The following EPB41L1 variants were observed in gnomAD, a reference collection of about 807,000 sequenced individuals.
EPB41L1 encodes the protein erythrocyte membrane protein band 4.1 like 1.
In EPB41L1, 29 loss-of-function variants were observed where a neutral mutation model predicts 97.8. That is an observed-to-expected ratio of 0.30 (90% confidence interval 0.22 to 0.40). EPB41L1 has a LOEUF of 0.40. Ranked by LOEUF, EPB41L1 falls within the 10% of genes least tolerant of loss-of-function variation. EPB41L1 has a pLI of 1.00. For synonymous variants in EPB41L1, 383 were observed against 459.2 expected, an observed-to-expected ratio of 0.83 and a Z score of 2.12; for missense variants, 812 against 1,162.3, an observed-to-expected ratio of 0.70 and a Z score of 4.38.
rs2062449596 is a variant in EPB41L1, at chr20:36,200,744, T to C, written c.1668+2703T>C. 19 of 376,626 alleles carry C rather than the reference T, an allele frequency of 5.0e-5. 1 individual carries two copies. Among genetic ancestry groups the C allele is most frequent in the South Asian group, 3.7e-4 (19 of 51,172 alleles). The allele number at this position is 376,626 out of a possible 1,614,324, so 23.3% of individuals were successfully genotyped here. A position where few individuals can be genotyped will look rare whatever the true frequency, so the allele number is the denominator to read the frequency against. On this transcript the variant is annotated intron_variant, in intron 14 of 21. Transcript: ENST00000338074. ...CCTACAGATATGGGACTTAAAAAGC[T>C]GGGCTATTTATGGACTTTGTGTGTG...
In EPB41L1 at chr20:36,230,465, G is replaced by A. The variant is rs755643400; in HGVS notation, c.*1125G>A. Reference sequence around the variant, plus strand: ...GGGTTGGCTCACAGTAGGGGCTGACGGGTTCAGTGTAGTAATACTGTGTGT... The same window carrying A: ...GGGTTGGCTCACAGTAGGGGCTGACAGGTTCAGTGTAGTAATACTGTGTGT... On this transcript the variant is annotated 3_prime_UTR_variant, in exon 22 of 22. Coordinates refer to ENST00000338074, the MANE Select transcript of EPB41L1 (RefSeq NM_012156.2). 2.0e-5 allele frequency: 3 copies of A among 152,598 alleles called. No individual in the cohort carries two copies. Among genetic ancestry groups the A allele is most frequent in the Non-Finnish European group, 4.4e-5 (3 of 68,080 alleles). The allele number at this position is 152,598 out of a possible 1,614,324, so 9.5% of individuals were successfully genotyped here.
rs1255981924 is a variant in EPB41L1, at chr20:36,207,356, G to T, written c.1669-2132G>T. 1 of 1,288,696 alleles carries T rather than the reference G, an allele frequency of 7.8e-7. No individual in the cohort carries two copies. Among genetic ancestry groups the T allele is most frequent in the South Asian group, 1.2e-5 (1 of 80,984 alleles). 79.8% of individuals were successfully genotyped at this position (1,288,696 alleles called of 1,614,324 possible). ...GAGGGGCGCATACCTCTGGGGTTTG[G>T]GTTCCCTTCAGGGAAGCGAAGGGAG... On this transcript the variant is annotated intron_variant, in intron 14 of 21. Transcript: ENST00000338074. The surrounding 1 kb of genome is among the most constrained non-coding windows in gnomAD (Gnocchi z 4.9).
chr20:36,109,857 G>A (rs979040374), intron 1 of EPB41L1: 2 of 152,288 alleles, frequency 1.3e-5, no homozygotes, highest in Middle Eastern at 3.4e-3. Context: ...GAGGTTGCAG[G>A]AGCAGCACCT....
At chr20:36,121,074 G>GAAAA (rs5841226) in intron 2 of EPB41L1, among the ~76,000 whole-genome samples, 2 of 141,800 alleles carry the variant, frequency 1.4e-5, no homozygotes, top group Non-Finnish European at 1.5e-5. Context: ...TGTCTGACAT[G>GAAAA]AAAAAAAAAA....
At chr20:36,098,859 G>A (rs1040826485) in intron 1 of EPB41L1, among the ~76,000 whole-genome samples, 1 of 152,096 alleles carries the variant, frequency 6.6e-6, no homozygotes, top group African/African-American at 2.4e-5. Flanking sequence ...GGTTGCTCAC[G>A]CCTGTAATCC....
At chr20:36,168,474 TG>T (rs2060831659) in intron 1 of EPB41L1, among the ~76,000 whole-genome samples, 1 of 152,098 alleles carries the variant, frequency 6.6e-6, no homozygotes, top group Non-Finnish European at 1.5e-5. Context: ...TTCCCATTAC[TG>T]CTGGTAATTA....
At chr20:36,216,789 G>C (rs1454427299) in intron 17 of EPB41L1, among the ~76,000 whole-genome samples, 1 of 152,182 alleles carries the variant, frequency 6.6e-6, no homozygotes, top group East Asian at 1.9e-4. Context: ...TGGTGCCCAG[G>C]CTGGGGTGGG....
intron 2 of EPB41L1, among the ~76,000 whole-genome samples, chr20:36,136,274 G>C (rs556315839): frequency 6.6e-6 from 1 of 151,164 alleles, no homozygotes; most frequent in African/African-American, 2.4e-5. Context: ...AAGCTCAAGC[G>C]ATCCTCCCGC....
chr20:36,176,240 A>C (rs1348763254), intron 3 of EPB41L1, among the ~76,000 whole-genome samples: 4 of 152,186 alleles, frequency 2.6e-5, no homozygotes, highest in African/African-American at 9.7e-5. Context: ...CACCCAGGCC[A>C]TGTAGAAACC....
At chr20:36,144,431 TCA>T (rs2059762074) in intron 2 of EPB41L1, among the ~76,000 whole-genome samples, 4 of 152,278 alleles carry the variant, frequency 2.6e-5, no homozygotes, top group Admixed American at 2.6e-4. Flanking sequence ...AGGCTTTCAA[TCA>T]CAGTGGGCAG....
chr20:36,154,803 C>T lies in EPB41L1; in HGVS notation c.-108C>T. On this transcript the variant is annotated 5_prime_UTR_variant, in exon 1 of 22. Coordinates refer to ENST00000338074, the MANE Select transcript of EPB41L1 (RefSeq NM_012156.2). The surrounding 1 kb of genome is among the most constrained non-coding windows in gnomAD (Gnocchi z 5.5). ...GGCTGCTCCGCAGAGCCCGCCGCGACCCCGCGCCGCCCCGCCCCGCGGCCT... is the reference window on the plus strand; with the variant it reads ...GGCTGCTCCGCAGAGCCCGCCGCGATCCCGCGCCGCCCCGCCCCGCGGCCT... 4.0e-6 allele frequency: 4 copies of T among 990,428 alleles called. No homozygotes were observed. The highest frequency in any genetic ancestry group is 4.8e-6 in the Non-Finnish European group (4 of 833,058). The allele number at this position is 990,428 out of a possible 1,614,324, so 61.4% of individuals were successfully genotyped here.
In EPB41L1 at chr20:36,209,971, G is replaced by A; in HGVS notation, c.2079+73G>A. 2 of 1,561,552 alleles carry A rather than the reference G, an allele frequency of 1.3e-6. No individual in the cohort carries two copies. The highest frequency in any genetic ancestry group is 1.7e-6 in the Non-Finnish European group (2 of 1,150,642). The stretch of plus-strand genomic sequence containing the variant: ...TCAGAGGGCCCTGGGCCACCCGTGA[G>A]AAGACCGAGCACCCAGCCTGCAGCC... On this transcript the variant is annotated intron_variant, in intron 15 of 21. Coordinates refer to ENST00000338074, the MANE Select transcript of EPB41L1 (RefSeq NM_012156.2). The surrounding 1 kb of genome is among the most constrained non-coding windows in gnomAD (Gnocchi z 4.2).
intron 1 of EPB41L1, among the ~76,000 whole-genome samples, chr20:36,163,319 T>C (rs2145693882): frequency 1.3e-5 from 2 of 152,298 alleles, no homozygotes; most frequent in Non-Finnish European, 2.9e-5. Flanking sequence ...ATATTTCTAA[T>C]ATTCTGGTAT....
intron 2 of EPB41L1, among the ~76,000 whole-genome samples, chr20:36,125,816 G>C (rs2058941591): frequency 6.6e-6 from 1 of 152,184 alleles, no homozygotes; most frequent in Admixed American, 6.5e-5. Flanking sequence ...TAAGGCTGGA[G>C]ACCAGGAGAC....
intron 1 of EPB41L1, among the ~76,000 whole-genome samples, chr20:36,108,159 T>C (rs1261287107): frequency 6.6e-6 from 1 of 151,810 alleles, no homozygotes; most frequent in East Asian, 2.0e-4. Flanking sequence ...TTTTTATTTT[T>C]TGTAGAGACA....
intron 5 of EPB41L1, among the ~76,000 whole-genome samples, chr20:36,180,996 T>A (rs1223586771): frequency 2.0e-5 from 3 of 152,152 alleles, no homozygotes; most frequent in Admixed American, 6.5e-5. Flanking sequence ...AAAAAGAAAG[T>A]CAACTTCAGG....
intron 3 of EPB41L1, among the ~76,000 whole-genome samples, chr20:36,176,022 G>C (rs539013871): frequency 4.6e-5 from 7 of 152,292 alleles, no homozygotes; most frequent in African/African-American, 1.7e-4. Context: ...CAGTAGACCT[G>C]GGAACTGGGC....
At chr20:36,153,760 C>T (rs916559315), upstream of EPB41L1, among the ~76,000 whole-genome samples, 1 of 152,210 alleles carries the variant, frequency 6.6e-6, no homozygotes, top group Non-Finnish European at 1.5e-5. Context: ...GGACTGGAAC[C>T]CAGGCCCTCT....
At chr20:36,153,916 C>G (rs1401514386), upstream of EPB41L1, among the ~76,000 whole-genome samples, 1 of 152,160 alleles carries the variant, frequency 6.6e-6, no homozygotes, top group African/African-American at 2.4e-5. Flanking sequence ...GAGCCATGAT[C>G]TCTGCCACAA....
Sources: allele counts gnomAD v4.1 joint callset (sites outside exome capture counted in the v4.1 genomes callset), GRCh38; gene constraint gnomAD v4.1.1; non-coding constraint Gnocchi (gnomAD v3.1); transcripts MANE v1.5; gene names NCBI Gene and HGNC (gene_info 2026-07-23, HGNC 2026-07-21).